Variants in LMNB2 observed in about 807,000 individuals in gnomAD.
The protein encoded by LMNB2 is lamin B2, also known as lamin-B2.
LMNB2 carries 17 observed loss-of-function variants against 69.3 expected under a neutral mutation model. The ratio of observed to expected loss-of-function variants is 0.25; its 90% confidence interval spans 0.17 to 0.37. The LOEUF is 0.37. Ranked by LOEUF, LMNB2 falls within the 10% of genes least tolerant of loss-of-function variation. LMNB2 has a pLI of 1.00. For synonymous variants in LMNB2, 397 were observed against 389.3 expected, an observed-to-expected ratio of 1.02 and a Z score of -0.23; for missense variants, 789 against 883.6, an observed-to-expected ratio of 0.89 and a Z score of 1.36.
At chr19:2,436,393 A>G (rs1407206757) in intron 4 of LMNB2, among the ~76,000 whole-genome samples, 1 of 152,160 alleles carries the variant, frequency 6.6e-6, no homozygotes, top group Non-Finnish European at 1.5e-5. Flanking sequence ...AAACAAAACA[A>G]AACAAAACAA....
chr19:2,444,937 G>C (rs1301983932), intron 1 of LMNB2, among the ~76,000 whole-genome samples: 1 of 152,316 alleles, frequency 6.6e-6, no homozygotes, highest in Non-Finnish European at 1.5e-5. Context: ...TTCCCCGGAG[G>C]ACCAGCCACA....
chr19:2,452,203 G>C (rs572852599), intron 1 of LMNB2, among the ~76,000 whole-genome samples: 2 of 152,152 alleles, frequency 1.3e-5, no homozygotes, highest in African/African-American at 4.8e-5. Context: ...AGTGTCACAT[G>C]GGAATGTGGA....
intron 2 of LMNB2, among the ~76,000 whole-genome samples, chr19:2,441,333 G>C (rs1016767532): frequency 6.6e-6 from 1 of 152,260 alleles, no homozygotes; most frequent in Non-Finnish European, 1.5e-5. Context: ...CACACTAGAG[G>C]TGTGGCATCT....
rs1224568615 is a variant in LMNB2 at position 2,433,937 on chromosome 19, ACCCGTG to A, written c.1365_1370del (p.Thr456_Gly457del). The A allele has an allele frequency of 1.9e-6, 3 of 1,612,304 alleles. No individual in the cohort carries two copies. The highest frequency in any genetic ancestry group is 3.3e-5 in the Admixed American group (2 of 59,990). Reference sequence around the variant, plus strand: ...GGGCCAGGTGGAAGCCACCGCTGCCACCCGTGCCCGTGCCCAGGACGCTTGGGCCGC... The same window carrying A: ...GGGCCAGGTGGAAGCCACCGCTGCCACCCGTGCCCAGGACGCTTGGGCCGC... On this transcript the variant is annotated inframe_deletion, in exon 8 of 12. Coordinates refer to ENST00000325327, the MANE Select transcript of LMNB2 (RefSeq NM_032737.4).
At chr19:2,439,483 C>A (rs1170128078) in intron 2 of LMNB2, among the ~76,000 whole-genome samples, 4 of 152,182 alleles carry the variant, frequency 2.6e-5, no homozygotes, top group African/African-American at 7.2e-5. Context: ...GGCCTCCACC[C>A]ACTTCAGACC....
intron 4 of LMNB2, chr19:2,436,659 G>A (rs1332067324): frequency 5.1e-5 from 5 of 98,556 alleles, no homozygotes; most frequent in African/African-American, 8.1e-5. Flanking sequence ...CTCCACGGCC[G>A]CCCTCTCGCC....
intron 2 of LMNB2, among the ~76,000 whole-genome samples, 198 bp downstream of exon 2, chr19:2,444,206 G>T (rs895399928): frequency 6.6e-6 from 1 of 152,226 alleles, no homozygotes; most frequent in Non-Finnish European, 1.5e-5. Flanking sequence ...CCTGCTGTCC[G>T]ATGTGAGCAT....
intron 1 of LMNB2, among the ~76,000 whole-genome samples, chr19:2,456,167 G>A (rs114306627): frequency 0.091 from 13,319 of 146,578 alleles, 2,028 homozygotes; most frequent in African/African-American, 0.31. Context: ...CCGAAACGCG[G>A]CGGAGATCCC....
intron 1 of LMNB2, among the ~76,000 whole-genome samples, chr19:2,448,619 G>A (rs1971986163): frequency 6.6e-6 from 1 of 152,172 alleles, no homozygotes; most frequent in Non-Finnish European, 1.5e-5. Context: ...AGGCTGAGGT[G>A]GGCGGATTAC....
Position 2,447,130 on chromosome 19 carries a change from C to T in LMNB2, c.265-2590G>A, listed in dbSNP as rs1165209275. 2.0e-5 allele frequency among the ~76,000 whole-genome samples: 3 copies of T among 150,666 alleles called. No homozygotes were observed. Among genetic ancestry groups the T allele is most frequent in the East Asian group, 1.9e-4 (1 of 5,154 alleles). On this transcript the variant is annotated intron_variant, in intron 1 of 11. Coordinates refer to ENST00000325327, the MANE Select transcript of LMNB2 (RefSeq NM_032737.4). This position sits in a 1 kb window ranked among gnomAD's most constrained non-coding sequence, Gnocchi z 4.4. ...CTGCCCTCCAGCCTGGGAGACAGAG[C>T]GAGACTCAGTTTCAAAATAAATAAA...
chr19:2,441,301 C>T (rs886820617), intron 2 of LMNB2, among the ~76,000 whole-genome samples: 7 of 152,260 alleles, frequency 4.6e-5, no homozygotes, highest in African/African-American at 1.4e-4. Flanking sequence ...GGCGCTGGAC[C>T]TGGTGTAGCC....
chr19:2,439,035 C>CTTTTTTTTTTTTTTTT (rs397945879), intron 2 of LMNB2, among the ~76,000 whole-genome samples: 1 of 65,710 alleles, frequency 1.5e-5, no homozygotes, highest in African/African-American at 6.5e-5. Context: ...GGCACTTAAG[C>CTTTTTTTTTTTTTTTT]TTTTTTTTTT....
chr19:2,456,430 C>T (rs1972090281), intron 1 of LMNB2, among the ~76,000 whole-genome samples: 1 of 150,824 alleles, frequency 6.6e-6, no homozygotes, highest in South Asian at 2.1e-4. Flanking sequence ...TGGAGACCCT[C>T]GAGACCCGGG....
chr19:2,432,595 G>A (rs1490272413), intron 8 of LMNB2, 72 bp from the exon 9 acceptor site: 2 of 1,293,544 alleles, frequency 1.5e-6, no homozygotes, highest in Non-Finnish European at 2.2e-6. Context: ...CCTGGCTGGT[G>A]GCCCCATCAC....
At chr19:2,432,016 C>A in intron 9 of LMNB2, 114 bp from the exon 10 acceptor site, 1 of 1,353,186 alleles carries the variant, frequency 7.4e-7, no homozygotes, top group Admixed American at 2.1e-5. Flanking sequence ...TTCAGTCCTT[C>A]CAGCCCGACG....
At chr19:2,436,201 T>C (rs1288050954) in intron 4 of LMNB2, among the ~76,000 whole-genome samples, 4 of 152,082 alleles carry the variant, frequency 2.6e-5, no homozygotes, top group African/African-American at 7.2e-5. Context: ...GAGAATCGCT[T>C]GAACCCAGGA....
At chr19:2,456,148 A>T (rs1972085501) in intron 1 of LMNB2, among the ~76,000 whole-genome samples, 1 of 149,862 alleles carries the variant, frequency 6.7e-6, no homozygotes, top group Non-Finnish European at 1.5e-5. Flanking sequence ...CCTTTCACTC[A>T]GGGACTCTCC....
At chr19:2,450,766 G>A (rs924571142) in intron 1 of LMNB2, among the ~76,000 whole-genome samples, 6 of 151,804 alleles carry the variant, frequency 4.0e-5, no homozygotes, top group African/African-American at 1.2e-4. Flanking sequence ...CAAGTAACTG[G>A]GACTATAGCC....
At position 2,438,444 on chromosome 19, in the gene LMNB2, C is replaced by T. The variant is rs755233445; in HGVS notation, c.489G>A (p.Leu163=). The change falls in exon 3 of 12, where the codon CTG becomes CTA. Residue 163 remains leucine (L), a synonymous_variant. Transcript: ENST00000325327. The stretch of plus-strand genomic sequence containing the variant: ...CGCGCTTGTCGCTGAGGGCAGCTGC[C>T]AGCTCCACCTCGCTCCGGTGGAACA... The part of the protein sequence containing the change: ...ESLFHRSEVE[L]AAALSDKRGL... 1.2e-6 allele frequency: 2 copies of T among 1,612,522 alleles called. No homozygotes were observed. The highest frequency in any genetic ancestry group is 1.7e-5 in the Admixed American group (1 of 59,976).
Sources: gnomAD v4.1 joint callset for allele counts (sites outside exome capture counted in the v4.1 genomes callset) on GRCh38, gnomAD v4.1.1 for gene constraint, Gnocchi (gnomAD v3.1) non-coding constraint, MANE v1.5 for transcripts, NCBI Gene and HGNC (gene_info 2026-07-23, HGNC 2026-07-21) for gene names.